PLXDC1: variants seen among roughly 807,000 people sequenced by gnomAD.
PLXDC1 encodes plexin domain-containing protein 1.
A neutral mutation model predicts 61.3 loss-of-function variants in PLXDC1; 39 were observed. The ratio of observed to expected loss-of-function variants is 0.64; its 90% CI spans 0.49 to 0.83. PLXDC1 has a LOEUF of 0.83. Among genes scored for constraint, PLXDC1 ranks in the 40% least tolerant of loss-of-function variants. The pLI is 0.00. For synonymous variants in PLXDC1, 212 were observed against 254.5 expected, an observed-to-expected ratio of 0.83 and a Z score of 1.59; for missense variants, 596 against 666.5, an observed-to-expected ratio of 0.89 and a Z score of 1.17.
At chr17:39,133,569 G>A (rs866138542) in intron 2 of PLXDC1, among the ~76,000 whole-genome samples, 1 of 152,154 alleles carries the variant, frequency 6.6e-6, no homozygotes. Context: ...CGGCTCTCCT[G>A]TGCTTACATT....
At chr17:39,080,810 C>G (rs929673548) in intron 9 of PLXDC1, 5 of 152,286 alleles carry the variant, frequency 3.3e-5, no homozygotes, top group Admixed American at 6.5e-5. Flanking sequence ...TGCACACAGT[C>G]AGAGGCCTTG....
At chr17:39,093,665 G>A (rs886891588) in intron 7 of PLXDC1, among the ~76,000 whole-genome samples, 1 of 151,986 alleles carries the variant, frequency 6.6e-6, no homozygotes, top group African/African-American at 2.4e-5. Flanking sequence ...GCAGTGAGCC[G>A]AAATTGCACT....
chr17:39,065,897 C>T lies in PLXDC1; in HGVS notation c.*1943G>A, dbSNP rs1370246162. ...CCCACCCCACAGGCACATGCAGGCT[C>T]CAGGGAAAGCAAGTAGTTGGCAGGT... is the stretch of plus-strand genomic sequence containing the variant. On this transcript the variant is annotated 3_prime_UTR_variant, in exon 14 of 14. Coordinates refer to ENST00000315392, the MANE Select transcript of PLXDC1 (RefSeq NM_020405.5). 1 of 152,704 alleles carries T rather than the reference C, an allele frequency of 6.5e-6. No individual in the cohort carries two copies. Among genetic ancestry groups the T allele is most frequent in the South Asian group, 2.1e-4 (1 of 4,836 alleles). The allele number at this position is 152,704 out of a possible 1,614,324, so 9.5% of individuals were successfully genotyped here. A position where few individuals can be genotyped will look rare whatever the true frequency, so the allele number is the denominator to read the frequency against.
intron 7 of PLXDC1, among the ~76,000 whole-genome samples, chr17:39,088,963 A>AAAAAAAAAG (rs1555570853): frequency 8.4e-6 from 1 of 119,596 alleles, no homozygotes; most frequent in East Asian, 2.6e-4. Flanking sequence ...AAAAAAAAAA[A>AAAAAAAAAG]AGAGAGAGAG....
intron 7 of PLXDC1, among the ~76,000 whole-genome samples, chr17:39,102,243 C>T (rs1253861208): frequency 1.3e-5 from 2 of 152,178 alleles, no homozygotes; most frequent in Non-Finnish European, 2.9e-5. Context: ...ATCCTCACCA[C>T]AGCCCTTGAG....
At position 39,066,630 on chromosome 17, in the gene PLXDC1, GGC is replaced by G. The variant is rs1486291736; in HGVS notation, c.*1208_*1209del. On this transcript the variant is annotated 3_prime_UTR_variant, in exon 14 of 14. Transcript: ENST00000315392. ...AGACGGAGTCTCGCTCTGTCACCCA[GGC>G]TGGAGTGCAGTGGCACTATCTGAGC... The G allele has an allele frequency of 1.3e-4, 20 of 151,968 alleles. No homozygotes were observed. The highest frequency in any genetic ancestry group is 9.2e-4 in the Admixed American group (14 of 15,250). 9.4% of individuals were successfully genotyped at this position (151,968 alleles called of 1,614,324 possible).
intron 1 of PLXDC1, among the ~76,000 whole-genome samples, chr17:39,140,461 G>T (rs1248493066): frequency 1.3e-5 from 2 of 152,144 alleles, no homozygotes; most frequent in Admixed American, 6.5e-5. Context: ...GCCCGCTACC[G>T]CGCCCAGCTA....
chr17:39,081,807 G>A (rs369605133), intron 9 of PLXDC1, among the ~76,000 whole-genome samples: 22 of 152,174 alleles, frequency 1.4e-4, no homozygotes, highest in Non-Finnish European at 2.9e-4. Context: ...GCCGGGTGTG[G>A]TGGTGTGCAC....
At chr17:39,115,761 C>T (rs1244126471) in intron 2 of PLXDC1, among the ~76,000 whole-genome samples, 1 of 152,018 alleles carries the variant, frequency 6.6e-6, no homozygotes, top group Non-Finnish European at 1.5e-5. Context: ...TGCAGGGCAA[C>T]CCTAGGAGGT....
intron 2 of PLXDC1, among the ~76,000 whole-genome samples, chr17:39,131,500 G>C (rs1911561492): frequency 6.6e-6 from 1 of 152,030 alleles, no homozygotes; most frequent in African/African-American, 2.4e-5. Flanking sequence ...TTATAGGCGT[G>C]CACCACCATG....
At chr17:39,118,109 CCTCT>C (rs1403422986) in intron 2 of PLXDC1, among the ~76,000 whole-genome samples, 2 of 123,042 alleles carry the variant, frequency 1.6e-5, no homozygotes, top group Admixed American at 8.8e-5. Context: ...TTCCTTCCTT[CCTCT>C]CTCTCTCTCA....
intron 2 of PLXDC1, among the ~76,000 whole-genome samples, chr17:39,113,996 G>C (rs1910891508): frequency 6.6e-6 from 1 of 152,158 alleles, no homozygotes; most frequent in Non-Finnish European, 1.5e-5. Context: ...TTCTGAAAGA[G>C]ATCAAATTTG....
At chr17:39,141,856 G>A (rs964702767) in intron 1 of PLXDC1, among the ~76,000 whole-genome samples, 1 of 152,016 alleles carries the variant, frequency 6.6e-6, no homozygotes, top group Non-Finnish European at 1.5e-5. Flanking sequence ...CATCCTAACA[G>A]GTATGAGGTT....
At chr17:39,083,921 C>T (rs1909653209) in intron 8 of PLXDC1, among the ~76,000 whole-genome samples, 1 of 152,170 alleles carries the variant, frequency 6.6e-6, no homozygotes, top group Non-Finnish European at 1.5e-5. Flanking sequence ...TCCTCCCTCC[C>T]TAGCTTCCTT....
At chr17:39,129,879 C>T (rs1054819414) in intron 2 of PLXDC1, among the ~76,000 whole-genome samples, 5 of 152,034 alleles carry the variant, frequency 3.3e-5, no homozygotes, top group Non-Finnish European at 7.4e-5. Flanking sequence ...GTAGAAACAG[C>T]CTAAATGTCT....
chr17:39,085,946 C>T (rs932857307), intron 8 of PLXDC1, among the ~76,000 whole-genome samples: 2 of 152,028 alleles, frequency 1.3e-5, no homozygotes, highest in Non-Finnish European at 2.9e-5. Flanking sequence ...AGAGAAACTC[C>T]TGGGATCCTC....
chr17:39,112,661 G>A (rs1405676775), intron 2 of PLXDC1, among the ~76,000 whole-genome samples: 4 of 151,876 alleles, frequency 2.6e-5, no homozygotes, highest in East Asian at 1.9e-4. Context: ...CCTGAACTAC[G>A]AGCCCCTGAC....
chr17:39,105,617 C>G (rs1275361321), intron 7 of PLXDC1, among the ~76,000 whole-genome samples: 1 of 152,168 alleles, frequency 6.6e-6, no homozygotes. Flanking sequence ...CTGTGGCTCC[C>G]TTTCACCTTA....
intron 4 of PLXDC1, 49 bp downstream of exon 4, chr17:39,108,855 C>A (rs369421062): frequency 6.8e-6 from 9 of 1,317,938 alleles, no homozygotes; most frequent in Non-Finnish European, 7.6e-6. Context: ...CCCCTGAGTT[C>A]GGGCTGAGGT....
Sources: gnomAD v4.1 joint callset for allele counts (sites outside exome capture counted in the v4.1 genomes callset) on GRCh38, gnomAD v4.1.1 for gene constraint, MANE v1.5 for transcripts, NCBI Gene and HGNC (gene_info 2026-07-23, HGNC 2026-07-21) for gene names.